TOP2B: variants seen among roughly 807,000 people sequenced by gnomAD.
TOP2B encodes the protein DNA topoisomerase 2-beta.
TOP2B carries 51 observed loss-of-function variants against 193.5 expected under a neutral mutation model. The observed-to-expected ratio is 0.26, with a 90% confidence interval of 0.21 to 0.33. The LOEUF (loss-of-function observed/expected upper bound fraction) is 0.33, where lower values mean the gene tolerates loss of function less well. Among genes scored for constraint, TOP2B ranks in the 10% least tolerant of loss-of-function variants. The pLI, the probability that TOP2B is intolerant of heterozygous loss-of-function variation, is 1.00. For synonymous variants in TOP2B, 634 were observed against 635.7 expected, an observed-to-expected ratio of 1.00 and a Z score of 0.04; for missense variants, 1,378 against 1,909.3, an observed-to-expected ratio of 0.72 and a Z score of 5.19.
intron 1 of TOP2B, among the ~76,000 whole-genome samples, chr3:25,649,684 A>C (rs1703524393): frequency 6.6e-6 from 1 of 152,082 alleles, no homozygotes; most frequent in Admixed American, 6.5e-5. Flanking sequence ...AGTAGAAATT[A>C]ATACTTTCTT....
chr3:25,657,921 C>T (rs902097107), intron 1 of TOP2B, among the ~76,000 whole-genome samples: 1 of 144,544 alleles, frequency 6.9e-6, no homozygotes. Flanking sequence ...ATTAGCCGGG[C>T]GTAGTGGCGG....
At chr3:25,647,841 G>C (rs958779398) in intron 1 of TOP2B, among the ~76,000 whole-genome samples, 3 of 152,198 alleles carry the variant, frequency 2.0e-5, no homozygotes, top group African/African-American at 7.2e-5. Flanking sequence ...GGTAACATTT[G>C]AGTGTGGTCA....
chr3:25,633,104 T>C (rs1288538213), intron 8 of TOP2B, among the ~76,000 whole-genome samples: 1 of 152,096 alleles, frequency 6.6e-6, no homozygotes, highest in East Asian at 1.9e-4. Flanking sequence ...TCAATTTTGA[T>C]ACTAACTACC....
chr3:25,614,094 C>T (rs1239214205), intron 27 of TOP2B, among the ~76,000 whole-genome samples: 1 of 152,098 alleles, frequency 6.6e-6, no homozygotes, highest in Non-Finnish European at 1.5e-5. Context: ...AAAATAAATA[C>T]ATCCAGAATT....
chr3:25,644,334 A>T (rs1038323151), intron 2 of TOP2B, among the ~76,000 whole-genome samples: 4 of 152,228 alleles, frequency 2.6e-5, no homozygotes, highest in African/African-American at 9.6e-5. Context: ...CCTAGTAAGC[A>T]GTAAACAATA....
intron 1 of TOP2B, among the ~76,000 whole-genome samples, chr3:25,648,165 G>A (rs1357790467): frequency 6.6e-6 from 1 of 152,204 alleles, no homozygotes; most frequent in Non-Finnish European, 1.5e-5. Flanking sequence ...TGAACAGGGT[G>A]CCAGGTTGAG....
In TOP2B at chr3:25,598,416, G is replaced by A. The variant is rs1575556818; in HGVS notation, c.4772C>T (p.Pro1591Leu). ...TCGTGGCAGAGAAGGTGGCTCAGTA[G>A]GGAAGTCTGAGGGGAAGATGTCCAC... ...SDVDIFPSDFPTEPPSLPRTG... is the reference protein window; with the variant it reads ...SDVDIFPSDFLTEPPSLPRTG... The change falls in exon 36 of 36, where the codon CCT becomes CTT. Residue 1591 changes from proline (P) to leucine (L), a missense_variant. Physicochemically the swap from Pro to Leu is moderately conservative, Grantham distance 98. Coordinates refer to ENST00000264331, the MANE Select transcript of TOP2B (RefSeq NM_001330700.2). 7 of 1,613,452 alleles carry A rather than the reference G, an allele frequency of 4.3e-6. No homozygotes were observed. The highest frequency in any genetic ancestry group is 5.9e-6 in the Non-Finnish European group (7 of 1,179,558).
At position 25,664,266 on chromosome 3, in the gene TOP2B, G is replaced by C. The variant is rs1355553493; in HGVS notation, c.32C>G (p.Ala11Gly). The change falls in exon 1 of 36, where the codon GCC (alanine) becomes GGC (glycine). Residue 11 changes from alanine to glycine, a missense_variant. Physicochemically the swap from Ala to Gly is moderately conservative, Grantham distance 60. This residue lies in a region of TOP2B where 83 missense variants were observed against 59.3 expected (regional missense o/e 1.40). Coordinates refer to ENST00000264331, the MANE Select transcript of TOP2B (RefSeq NM_001330700.2). MAKSGGCGAG[A>G]GVGGGNGALT... is the part of the protein sequence containing the mutation. ...TGCCCCGTTGCCGCCGCCCACGCCG[G>C]CTCCCGCGCCGCAGCCACCCGACTT... The C allele has an allele frequency of 1.3e-6, 2 of 1,536,056 alleles. No individual in the cohort carries two copies. Among genetic ancestry groups the C allele is most frequent in the Non-Finnish European group, 1.7e-6 (2 of 1,145,532 alleles).
intron 11 of TOP2B, 50 bp from the exon 12 acceptor site, chr3:25,630,519 T>C (rs1484217104): frequency 2.8e-6 from 4 of 1,410,542 alleles, no homozygotes; most frequent in Non-Finnish European, 2.9e-6. Context: ...ATACTTTCAC[T>C]GATGAGAAAA....
At chr3:25,600,943 T>G (rs1237587444) in intron 34 of TOP2B, among the ~76,000 whole-genome samples, 157 bp downstream of exon 34, 1 of 152,246 alleles carries the variant, frequency 6.6e-6, no homozygotes, top group Admixed American at 6.5e-5. Context: ...TCCTTTGGAC[T>G]ATATTCAGCA....
In TOP2B at chr3:25,606,051, G is replaced by T; in HGVS notation, c.4370C>A (p.Ser1457Ter). Residue 1457 changes from serine (S) to a stop codon, truncating the protein, a stop_gained, in exon 32 of 36, where the codon TCA becomes TAA. Coordinates refer to ENST00000264331, the MANE Select transcript of TOP2B (RefSeq NM_001330700.2). LOFTEE classifies it high-confidence loss of function. ...AGACTAAATGAACATACCATCTTCTGACTTCTGAGAATATGAAGGAAATGA... is the reference window on the plus strand; with the variant it reads ...AGACTAAATGAACATACCATCTTCTTACTTCTGAGAATATGAAGGAAATGA... Reference protein sequence around the residue: ...LFSFPSYSQKSEDDSAKFDSN... With the variant: ...LFSFPSYSQK 6.7e-7 allele frequency: 1 copy of T among 1,483,810 alleles called. No individual in the cohort carries two copies. The allele number at this position is 1,483,810 out of a possible 1,614,324, so 91.9% of individuals were successfully genotyped here. A position where few individuals can be genotyped will look rare whatever the true frequency, so the allele number is the denominator to read the frequency against.
At position 25,618,444 on chromosome 3, in the gene TOP2B, T is replaced by C; in HGVS notation, c.3325A>G (p.Lys1109Glu). The part of the protein sequence containing the change: ...VQRGYESDPV[K>E]AWKEAQEKAA... ...TTTTCTTGTGCTTCTTTCCAGGCTT[T>C]CACTGGGTCAGATTCATAACCTCTC... The change falls in exon 25 of 36, where the codon AAA becomes GAA. Residue 1109 changes from lysine (K) to glutamate (E), a missense_variant. By Grantham distance (56) the Lys-to-Glu change is moderately conservative. Around this residue, in one of 9 missense-constraint regions of TOP2B, gnomAD observed 379 missense variants for 615.1 expected, o/e 0.62. Transcript: ENST00000264331. 6.2e-7 allele frequency: 1 copy of C among 1,613,004 alleles called. No individual in the cohort carries two copies.
At chr3:25,660,803 C>T (rs1703888003) in intron 1 of TOP2B, among the ~76,000 whole-genome samples, 1 of 151,996 alleles carries the variant, frequency 6.6e-6, no homozygotes, top group African/African-American at 2.4e-5. Flanking sequence ...ATTCACACTC[C>T]AAAAATATGT....
chr3:25,633,475 A>G (rs116550305), intron 8 of TOP2B, among the ~76,000 whole-genome samples: 1,790 of 152,230 alleles, frequency 0.012, 30 homozygotes, highest in African/African-American at 0.04. Flanking sequence ...GAGTTTTTAC[A>G]GAGCTTTATC....
intron 31 of TOP2B, among the ~76,000 whole-genome samples, chr3:25,606,732 AG>A (rs1575562005): frequency 1.3e-5 from 2 of 152,194 alleles, no homozygotes; most frequent in African/African-American, 4.8e-5. Flanking sequence ...GGCCAAATTT[AG>A]GGAAGAAACA....
In TOP2B at chr3:25,645,310, G is replaced by A; in HGVS notation, c.230C>T (p.Pro77Leu). The change falls in exon 2 of 36, where the codon CCA becomes CTA. Residue 77 changes from proline to leucine, a missense_variant. Coordinates refer to ENST00000264331, the MANE Select transcript of TOP2B (RefSeq NM_001330700.2). Reference sequence around the variant, plus strand: ...TTTAGCAATAATTACCTGCGTCAATGGCTCCACTGACCCAATATATGTATC... The same window carrying A: ...TTTAGCAATAATTACCTGCGTCAATAGCTCCACTGACCCAATATATGTATC... Reference protein sequence around the residue: ...RPDTYIGSVEPLTQFMWVYDE... With the variant: ...RPDTYIGSVELLTQFMWVYDE... The A allele has an allele frequency of 6.3e-7, 1 of 1,577,878 alleles. No homozygotes were observed. The highest frequency in any genetic ancestry group is 8.6e-7 in the Non-Finnish European group (1 of 1,160,338).
intron 23 of TOP2B, 40 bp downstream of exon 23, chr3:25,619,822 T>C (rs768934958): frequency 2.1e-6 from 3 of 1,444,200 alleles, no homozygotes; most frequent in East Asian, 4.6e-5. Context: ...ACTTATACCA[T>C]GCAAGAAAGA....
chr3:25,645,207 C>A (rs1276050223), intron 2 of TOP2B, 93 bp downstream of exon 2: 1 of 1,194,626 alleles, frequency 8.4e-7, no homozygotes, highest in African/African-American at 1.5e-5. Context: ...TTACAAATTT[C>A]CAAAGCAAGT....
chr3:25,600,532 A>C (rs1575558499), intron 34 of TOP2B, among the ~76,000 whole-genome samples: 1 of 152,328 alleles, frequency 6.6e-6, no homozygotes, highest in East Asian at 1.9e-4. Context: ...ACTGAGGAAG[A>C]TATCCTTCAG....
Sources: gnomAD v4.1 joint callset for allele counts (sites outside exome capture counted in the v4.1 genomes callset) on GRCh38, gnomAD v4.1.1 for gene constraint, gnomAD v4.1.1 regional missense constraint, MANE v1.5 for transcripts, NCBI Gene and HGNC (gene_info 2026-07-23, HGNC 2026-07-21) for gene names.